Variants in KLF12 observed in about 807,000 individuals in gnomAD.
KLF12 encodes the protein KLF transcription factor 12.
A neutral mutation model predicts 37.8 loss-of-function variants in KLF12; 9 were observed. The ratio of observed to expected loss-of-function variants is 0.24; its 90% CI spans 0.14 to 0.42. KLF12 has a LOEUF of 0.42. Ranked by LOEUF, KLF12 falls within the 10% of genes least tolerant of loss-of-function variation. The probability of loss-of-function intolerance (pLI) is 1.00; values close to 1 mark genes in which losing one functional copy is unlikely to be tolerated. For synonymous variants in KLF12, 208 were observed against 202.1 expected (o/e 1.03, Z -0.25); for missense variants, 411 against 516.0 (o/e 0.80, Z 1.97).
At chr13:73,749,315 C>A (rs1473028957) in intron 6 of KLF12, among the ~76,000 whole-genome samples, 1 of 152,182 alleles carries the variant, frequency 6.6e-6, no homozygotes, top group East Asian at 1.9e-4. Flanking sequence ...CATTAAACAA[C>A]AGAGCCTGCA....
the KLF12 span, among the ~76,000 whole-genome samples, chr13:74,174,600 T>C: frequency 6.6e-6 from 1 of 152,120 alleles, no homozygotes; most frequent in African/African-American, 2.4e-5. Flanking sequence ...TTCACTGATG[T>C]TCCTGCCACT....
At chr13:74,094,414 A>G (rs1388509403) in intron 1 of KLF12, among the ~76,000 whole-genome samples, 3 of 152,136 alleles carry the variant, frequency 2.0e-5, no homozygotes, top group East Asian at 1.9e-4. Flanking sequence ...ATTTTCCTTT[A>G]CATATCATCA....
At chr13:74,280,111 G>C in the KLF12 span, among the ~76,000 whole-genome samples, 1 of 152,194 alleles carries the variant, frequency 6.6e-6, no homozygotes, top group Non-Finnish European at 1.5e-5. Flanking sequence ...AGTGGTTGGT[G>C]AGCATATTAA....
At chr13:74,059,095 C>A (rs1340159409) in intron 1 of KLF12, among the ~76,000 whole-genome samples, 2 of 152,214 alleles carry the variant, frequency 1.3e-5, no homozygotes, top group Non-Finnish European at 2.9e-5. Context: ...CAGGTTTCAT[C>A]CATGTTGCTG....
intron 6 of KLF12, among the ~76,000 whole-genome samples, chr13:73,736,084 G>C (rs908005739): frequency 1.3e-5 from 2 of 151,824 alleles, no homozygotes; most frequent in Non-Finnish European, 2.9e-5. Context: ...ATGGATCTAA[G>C]TATGCTTGCA....
intron 6 of KLF12, among the ~76,000 whole-genome samples, chr13:73,745,083 T>A (rs980253327): frequency 6.6e-6 from 1 of 152,230 alleles, no homozygotes; most frequent in Non-Finnish European, 1.5e-5. Flanking sequence ...AATAACTTAT[T>A]TATTCATTTA....
chr13:73,979,335 TA>T (rs563511001), intron 2 of KLF12, among the ~76,000 whole-genome samples: 11 of 145,836 alleles, frequency 7.5e-5, no homozygotes, highest in African/African-American at 2.8e-4. Context: ...ACATTTCTTT[TA>T]AAAACAGTCT....
chr13:74,270,121 A>T, the KLF12 span, among the ~76,000 whole-genome samples: 1 of 152,068 alleles, frequency 6.6e-6, no homozygotes, highest in African/African-American at 2.4e-5. Context: ...CCTGCTTACT[A>T]GGGGGAGCCT....
At chr13:74,104,416 A>G (rs772082160) in intron 1 of KLF12, among the ~76,000 whole-genome samples, 15 of 152,214 alleles carry the variant, frequency 9.9e-5, no homozygotes, top group Non-Finnish European at 1.8e-4. Flanking sequence ...TGAATCATTA[A>G]AGACTGTCCT....
intron 1 of KLF12, among the ~76,000 whole-genome samples, chr13:74,042,442 C>G (rs762384253): frequency 2.0e-5 from 3 of 152,160 alleles, no homozygotes; most frequent in Non-Finnish European, 4.4e-5. Flanking sequence ...TTCACCCTGC[C>G]AGGTAACACT....
chr13:74,095,430 C>T (rs1412288503), intron 1 of KLF12, among the ~76,000 whole-genome samples: 1 of 151,426 alleles, frequency 6.6e-6, no homozygotes, highest in East Asian at 1.9e-4. Context: ...ACTCTGTCAT[C>T]CAGGCTGGAG....
chr13:73,784,970 T>C (rs1338115992), intron 5 of KLF12, among the ~76,000 whole-genome samples: 1 of 152,000 alleles, frequency 6.6e-6, no homozygotes. Context: ...TTACCTCCTC[T>C]ACCCTGTCTG....
At chr13:74,243,281 G>T in the KLF12 span, among the ~76,000 whole-genome samples, 1 of 143,416 alleles carries the variant, frequency 7.0e-6, no homozygotes, top group African/African-American at 2.9e-5. Flanking sequence ...CAAAGGACAT[G>T]AATTCATTTT....
At chr13:74,280,196 C>A in the KLF12 span, among the ~76,000 whole-genome samples, 4 of 152,170 alleles carry the variant, frequency 2.6e-5, no homozygotes, top group Non-Finnish European at 5.9e-5. Flanking sequence ...GCAAGCCAGT[C>A]TCATATCTCC....
intron 1 of KLF12, among the ~76,000 whole-genome samples, chr13:74,023,319 CA>C (rs1466515405): frequency 1.3e-5 from 2 of 152,212 alleles, no homozygotes; most frequent in Non-Finnish European, 2.9e-5. Flanking sequence ...AACAGACTTA[CA>C]GGGGAGAAAC....
intron 3 of KLF12, among the ~76,000 whole-genome samples, chr13:73,867,229 GTAAA>G (rs1886219536): frequency 6.6e-6 from 1 of 151,676 alleles, no homozygotes; most frequent in Non-Finnish European, 1.5e-5. Context: ...AAAGTTGAAA[GTAAA>G]TGAATGAAAA....
chr13:74,051,188 C>T (rs928180762), intron 1 of KLF12, among the ~76,000 whole-genome samples: 3 of 152,062 alleles, frequency 2.0e-5, no homozygotes, highest in African/African-American at 7.2e-5. Flanking sequence ...GAGTATGTAA[C>T]CAAAGTAAAT....
At chr13:74,204,452 A>C in the KLF12 span, among the ~76,000 whole-genome samples, 4 of 152,138 alleles carry the variant, frequency 2.6e-5, no homozygotes, top group Non-Finnish European at 5.9e-5. Context: ...TTTGTTAATA[A>C]ATGCAAAAAT....
intron 1 of KLF12, among the ~76,000 whole-genome samples, chr13:74,123,780 G>C (rs959444904): frequency 2.0e-5 from 3 of 152,144 alleles, no homozygotes; most frequent in African/African-American, 7.2e-5. Flanking sequence ...TTTACTTATC[G>C]AGACTAAATG....
Sources: gnomAD v4.1 joint callset for allele counts (sites outside exome capture counted in the v4.1 genomes callset) on GRCh38, gnomAD v4.1.1 for gene constraint, MANE v1.5 for transcripts, NCBI Gene and HGNC (gene_info 2026-07-23, HGNC 2026-07-21) for gene names.